Variants in NUP35 observed in about 807,000 individuals in gnomAD.
NUP35 encodes nucleoporin NUP35.
NUP35 carries 25 observed loss-of-function variants against 41.5 expected under a neutral mutation model. The observed-to-expected ratio is 0.60, with a 90% CI of 0.44 to 0.84. The LOEUF (loss-of-function observed/expected upper bound fraction) is 0.84. Among genes scored for constraint, NUP35 ranks in the 40% least tolerant of loss-of-function variants. The pLI is 0.00. For synonymous variants in NUP35, 149 were observed against 130.7 expected (o/e 1.14, Z -0.96); for missense variants, 396 against 396.6 (o/e 1.00, Z 0.01).
At chr2:183,159,748 G>A (rs1423031802) in intron 8 of NUP35, 96 bp downstream of exon 8, 10 of 973,450 alleles carry the variant, frequency 1.0e-5, no homozygotes, top group Non-Finnish European at 1.5e-5. Flanking sequence ...GCCATTAAAT[G>A]TTTCCTGTGG....
At chr2:183,159,176 A>G (rs1240599015) in intron 7 of NUP35, among the ~76,000 whole-genome samples, 4 of 152,136 alleles carry the variant, frequency 2.6e-5, no homozygotes, top group Admixed American at 2.0e-4. Flanking sequence ...ATTCTTTCCA[A>G]TCCAGGTTTC....
intron 3 of NUP35, among the ~76,000 whole-genome samples, chr2:183,131,657 T>C (rs547035610): frequency 2.0e-5 from 3 of 152,370 alleles, no homozygotes; most frequent in South Asian, 2.1e-4. Context: ...CTAGTCTTTA[T>C]TGAGATACAC....
chr2:183,124,741 A>G (rs763149208), intron 1 of NUP35, among the ~76,000 whole-genome samples: 17 of 152,150 alleles, frequency 1.1e-4, no homozygotes, highest in Non-Finnish European at 1.8e-4. Context: ...TCTGGCGGTG[A>G]CTGAGCTGTG....
intron 4 of NUP35, among the ~76,000 whole-genome samples, chr2:183,134,166 T>C (rs983192494): frequency 3.3e-5 from 5 of 152,362 alleles, no homozygotes; most frequent in Middle Eastern, 6.8e-3. Context: ...ATCATTATGC[T>C]TAGCACAGTT....
At chr2:183,146,030 G>A (rs78569668) in intron 4 of NUP35, among the ~76,000 whole-genome samples, 6,899 of 152,290 alleles carry the variant, frequency 0.045, 244 homozygotes, top group South Asian at 0.15. Flanking sequence ...GAGGTCAGGA[G>A]TTCGAGACCA....
intron 1 of NUP35, among the ~76,000 whole-genome samples, chr2:183,125,677 C>T (rs1684440298): frequency 6.6e-6 from 1 of 150,376 alleles, no homozygotes; most frequent in South Asian, 2.1e-4. Flanking sequence ...TCAACAAAAA[C>T]ATTTTGGAGT....
At chr2:183,131,001 C>T (rs76921397) in intron 3 of NUP35, 64,996 of 992,272 alleles carry the variant, frequency 0.066, 2,569 homozygotes, top group Middle Eastern at 0.077. Flanking sequence ...TTAGGGTCCC[C>T]AACAGGGTCC....
At chr2:183,124,420 T>C (rs529598403), upstream of NUP35, 1,108 of 1,613,884 alleles carry the variant, frequency 6.9e-4, 44 homozygotes, top group South Asian at 0.01. Context: ...TGAAAATTAA[T>C]TGGGAAGGTA....
chr2:183,156,860 C>A (rs1026944559), intron 5 of NUP35, among the ~76,000 whole-genome samples: 4 of 152,068 alleles, frequency 2.6e-5, no homozygotes, highest in Non-Finnish European at 5.9e-5. Context: ...CCATACAGAA[C>A]TTTATAAAGA....
chr2:183,158,768 T>C (rs1053781097), intron 7 of NUP35, among the ~76,000 whole-genome samples: 1 of 152,170 alleles, frequency 6.6e-6, no homozygotes. Flanking sequence ...TTAAATGGAA[T>C]GGTACTATTT....
chr2:183,157,533 A>C lies in NUP35; in HGVS notation c.609+20A>C, dbSNP rs369149863. 13 of 1,534,172 alleles carry C rather than the reference A, an allele frequency of 8.5e-6. No homozygotes were observed. Among genetic ancestry groups the C allele is most frequent in the Non-Finnish European group, 1.2e-5 (13 of 1,110,106 alleles). On this transcript the variant is annotated intron_variant, in intron 6 of 8. Coordinates refer to ENST00000295119, the MANE Select transcript of NUP35 (RefSeq NM_138285.5). The stretch of plus-strand genomic sequence containing the variant: ...CATGTGGTAAGGCTTAATTTTTTTC[A>C]GTTCAGAGTTTTGACTAAAGAGGGA...
At chr2:183,157,648 T>C in intron 6 of NUP35, 135 bp downstream of exon 6, 1 of 627,754 alleles carries the variant, frequency 1.6e-6, no homozygotes, top group Non-Finnish European at 2.8e-6. Context: ...AATACATCCT[T>C]TGAAGTCTGG....
intron 1 of NUP35, among the ~76,000 whole-genome samples, chr2:183,126,787 T>TA (rs199907935): frequency 2.6e-5 from 4 of 152,142 alleles, no homozygotes; most frequent in African/African-American, 9.7e-5. Flanking sequence ...TAATAGTTAA[T>TA]AAAAAACCAT....
rs1461870385 is a variant in NUP35 at position 183,128,312 on chromosome 2, A to G, written c.66A>G (p.Ser22=). ...ALGSEPMMLG[S]PTSPKPGVNA... ...GATCTGAACCAATGATGCTGGGTTC[A>G]CCCACATCTCCAAAGCCAGGAGTTA... The change falls in exon 2 of 9, where the codon TCA becomes TCG. Residue 22 remains serine (S), a synonymous_variant. Transcript: ENST00000295119. 5 of 1,613,208 alleles carry G rather than the reference A, an allele frequency of 3.1e-6. No homozygotes were observed. The highest frequency in any genetic ancestry group is 1.3e-5 in the African/African-American group (1 of 74,882).
chr2:183,121,915 T>TTTATTATTATTATTCTTATTATTA (rs1700073056), upstream of NUP35, among the ~76,000 whole-genome samples: 1 of 145,320 alleles, frequency 6.9e-6, no homozygotes. Flanking sequence ...GGCCATTCTT[T>TTTATTATTATTATTCTTATTATTA]TTATTATTAT....
At chr2:183,134,327 A>G (rs1340791821) in intron 4 of NUP35, among the ~76,000 whole-genome samples, 1 of 152,202 alleles carries the variant, frequency 6.6e-6, no homozygotes, top group Non-Finnish European at 1.5e-5. Context: ...TACATTTATA[A>G]ACAAAACAAG....
intron 2 of NUP35, among the ~76,000 whole-genome samples, chr2:183,129,410 C>G (rs1329724055): frequency 6.6e-6 from 1 of 152,112 alleles, no homozygotes; most frequent in African/African-American, 2.4e-5. Flanking sequence ...AGTAGTAGTT[C>G]AAGTGAAAAC....
intron 4 of NUP35, among the ~76,000 whole-genome samples, chr2:183,145,544 C>T (rs755771891): frequency 2.0e-5 from 3 of 152,108 alleles, no homozygotes; most frequent in Non-Finnish European, 4.4e-5. Context: ...AGTATTCCTC[C>T]ACATGTACCC....
At chr2:183,125,201 C>T (rs919720128) in intron 1 of NUP35, among the ~76,000 whole-genome samples, 3 of 151,602 alleles carry the variant, frequency 2.0e-5, no homozygotes, top group Non-Finnish European at 2.9e-5. Context: ...AGATTCATTC[C>T]CATTATTCAT....
Sources: gnomAD v4.1 joint callset for allele counts (sites outside exome capture counted in the v4.1 genomes callset) on GRCh38, gnomAD v4.1.1 for gene constraint, MANE v1.5 for transcripts, NCBI Gene and HGNC (gene_info 2026-07-23, HGNC 2026-07-21) for gene names.